PTPRT: variants seen among roughly 807,000 people sequenced by gnomAD.
PTPRT encodes the protein receptor-type tyrosine-protein phosphatase T.
A neutral mutation model predicts 176.8 loss-of-function variants in PTPRT; 56 were observed. The ratio of observed to expected loss-of-function variants is 0.32; its 90% CI spans 0.26 to 0.40. The LOEUF is 0.40. Among genes scored for constraint, PTPRT ranks in the 10% least tolerant of loss-of-function variants. The probability of loss-of-function intolerance (pLI) is 1.00; values close to 1 mark genes in which losing one functional copy is unlikely to be tolerated. For missense variants in PTPRT, 1,540 were observed against 1,908.2 expected, an observed-to-expected ratio of 0.81 and a Z score of 3.60; for synonymous variants, 783 against 739.0, an observed-to-expected ratio of 1.06 and a Z score of -0.96.
intron 7 of PTPRT, among the ~76,000 whole-genome samples, chr20:42,626,171 G>A (rs537392781): frequency 2.6e-5 from 4 of 152,020 alleles, no homozygotes; most frequent in African/African-American, 9.6e-5. Context: ...ATATTTTGAG[G>A]CTCATCTAGT....
At chr20:43,071,682 G>A (rs1434911610) in intron 1 of PTPRT, among the ~76,000 whole-genome samples, 1 of 144,390 alleles carries the variant, frequency 6.9e-6, no homozygotes, top group Non-Finnish European at 1.5e-5. Flanking sequence ...CTACTCGGGA[G>A]GCTGAGTCAG....
At chr20:42,274,025 T>C (rs925030683) in intron 13 of PTPRT, among the ~76,000 whole-genome samples, 1 of 152,142 alleles carries the variant, frequency 6.6e-6, no homozygotes, top group Non-Finnish European at 1.5e-5. Context: ...CAGAATATAG[T>C]GGGATGGATC....
At chr20:42,480,094 T>C (rs906687152) in intron 7 of PTPRT, among the ~76,000 whole-genome samples, 1 of 152,186 alleles carries the variant, frequency 6.6e-6, no homozygotes, top group East Asian at 1.9e-4. Flanking sequence ...CATTTCTTAA[T>C]TGAAAACTAC....
chr20:42,455,640 G>C (rs975950970), intron 8 of PTPRT, among the ~76,000 whole-genome samples: 1 of 152,084 alleles, frequency 6.6e-6, no homozygotes, highest in Admixed American at 6.6e-5. Flanking sequence ...CATGAGGTAG[G>C]AATCCAATTT....
At chr20:42,054,742 G>T in the PTPRT span, among the ~76,000 whole-genome samples, 1 of 152,094 alleles carries the variant, frequency 6.6e-6, no homozygotes, top group African/African-American at 2.4e-5. Flanking sequence ...TTCATAGAAG[G>T]TCTACTCAGC....
intron 28 of PTPRT, 146 bp from the exon 29 acceptor site, chr20:42,084,991 C>G: frequency 1.7e-6 from 1 of 580,166 alleles, no homozygotes; most frequent in Non-Finnish European, 2.6e-6. Context: ...GTCCCCATGA[C>G]TACTTCTATT....
the PTPRT span, among the ~76,000 whole-genome samples, chr20:42,061,656 A>C: frequency 6.6e-6 from 1 of 152,182 alleles, no homozygotes; most frequent in South Asian, 2.1e-4. Flanking sequence ...AGGAGTGGGA[A>C]ACCCTATCAA....
At chr20:42,383,969 C>G (rs2058719600) in intron 9 of PTPRT, among the ~76,000 whole-genome samples, 1 of 152,160 alleles carries the variant, frequency 6.6e-6, no homozygotes, top group African/African-American at 2.4e-5. Context: ...TGTATTCTTT[C>G]TAAGTAGGAT....
intron 19 of PTPRT, among the ~76,000 whole-genome samples, chr20:42,122,629 T>A (rs1393174840): frequency 6.6e-6 from 1 of 152,200 alleles, no homozygotes; most frequent in African/African-American, 2.4e-5. Context: ...CCCACAGCCC[T>A]CATCCTCCCT....
At chr20:42,609,578 G>C (rs184610523) in intron 7 of PTPRT, among the ~76,000 whole-genome samples, 1 of 152,182 alleles carries the variant, frequency 6.6e-6, no homozygotes, top group African/African-American at 2.4e-5. Flanking sequence ...CTGACTCTTT[G>C]CTCCCAGGTC....
At chr20:42,250,117 G>A (rs886406244) in intron 13 of PTPRT, among the ~76,000 whole-genome samples, 1 of 152,110 alleles carries the variant, frequency 6.6e-6, no homozygotes, top group African/African-American at 2.4e-5. Context: ...CTTTGCACAT[G>A]CCTCACAATA....
intron 12 of PTPRT, among the ~76,000 whole-genome samples, chr20:42,292,644 C>T (rs924557273): frequency 6.6e-6 from 1 of 152,186 alleles, no homozygotes; most frequent in Non-Finnish European, 1.5e-5. Context: ...GCAAATACCC[C>T]TTTGTCATTG....
At chr20:42,606,330 G>A (rs1416853791) in intron 7 of PTPRT, among the ~76,000 whole-genome samples, 3 of 152,178 alleles carry the variant, frequency 2.0e-5, no homozygotes, top group Non-Finnish European at 4.4e-5. Context: ...TGGGACCTCA[G>A]CAAAGCCAAT....
At chr20:42,343,980 A>C (rs1600862353) in intron 11 of PTPRT, among the ~76,000 whole-genome samples, 3 of 152,132 alleles carry the variant, frequency 2.0e-5, no homozygotes, top group Non-Finnish European at 2.9e-5. Flanking sequence ...GCTCACTGCA[A>C]CCTCTGCCTA....
intron 9 of PTPRT, among the ~76,000 whole-genome samples, chr20:42,417,780 C>T (rs1415605076): frequency 2.6e-5 from 4 of 151,460 alleles, no homozygotes; most frequent in African/African-American, 9.7e-5. Context: ...CTCTCTCACC[C>T]AGGCTGGAGT....
intron 12 of PTPRT, among the ~76,000 whole-genome samples, chr20:42,294,083 T>C (rs1178918346): frequency 6.6e-6 from 1 of 152,170 alleles, no homozygotes; most frequent in Non-Finnish European, 1.5e-5. Flanking sequence ...AAATGAAATA[T>C]CTCTAAAGCT....
At chr20:42,239,881 G>T (rs1301670780) in intron 14 of PTPRT, among the ~76,000 whole-genome samples, 2 of 152,096 alleles carry the variant, frequency 1.3e-5, no homozygotes, top group South Asian at 2.1e-4. Context: ...TACTCTCACG[G>T]TTAGCTGAGG....
chr20:42,425,021 G>T (rs538501006), intron 9 of PTPRT, among the ~76,000 whole-genome samples: 69 of 152,066 alleles, frequency 4.5e-4, no homozygotes, highest in African/African-American at 1.6e-3. Context: ...TTACTGCTCA[G>T]CTAAAATAGG....
chr20:42,751,636 CAGA>C (rs1487943245), intron 6 of PTPRT, among the ~76,000 whole-genome samples: 6 of 152,156 alleles, frequency 3.9e-5, no homozygotes, highest in Non-Finnish European at 7.4e-5. Flanking sequence ...AAAAAGCCGG[CAGA>C]AGAAGGTGAA....
Sources: gnomAD v4.1 joint callset for allele counts (sites outside exome capture counted in the v4.1 genomes callset) on GRCh38, gnomAD v4.1.1 for gene constraint, MANE v1.5 for transcripts, NCBI Gene and HGNC (gene_info 2026-07-23, HGNC 2026-07-21) for gene names.